MCF2L2: variants seen among roughly 807,000 people sequenced by gnomAD.
The protein encoded by MCF2L2 is MCF.2 cell line derived transforming sequence-like 2.
A neutral mutation model predicts 150.2 loss-of-function variants in MCF2L2; 102 were observed. That is an observed-to-expected ratio of 0.68 (90% confidence interval 0.58 to 0.80). MCF2L2 has a LOEUF of 0.80. MCF2L2 is among the 30% of genes least tolerant of loss of function. The pLI is 0.00. For synonymous variants in MCF2L2, 465 were observed against 491.3 expected (o/e 0.95, Z 0.71); for missense variants, 1,256 against 1,372.8 (o/e 0.91, Z 1.34).
chr3:183,315,047 C>A (rs1284626600), intron 7 of MCF2L2, among the ~76,000 whole-genome samples: 1 of 148,360 alleles, frequency 6.7e-6, no homozygotes, highest in Non-Finnish European at 1.5e-5. Flanking sequence ...AGTGATTCTC[C>A]TGCCTCAGCC....
intron 15 of MCF2L2, among the ~76,000 whole-genome samples, chr3:183,234,108 A>C (rs1039540275): frequency 1.3e-5 from 2 of 152,212 alleles, no homozygotes; most frequent in Non-Finnish European, 2.9e-5. Flanking sequence ...GTCAGAAGGA[A>C]GTACAGGCCT....
At chr3:183,413,912 T>C (rs1715450444) in intron 1 of MCF2L2, among the ~76,000 whole-genome samples, 1 of 152,148 alleles carries the variant, frequency 6.6e-6, no homozygotes, top group Non-Finnish European at 1.5e-5. Flanking sequence ...AGAGGAGGGG[T>C]TAGTCTTGCT....
At position 183,311,767 on chromosome 3, in the gene MCF2L2, C is replaced by G; in HGVS notation, c.759G>C (p.Glu253Asp). The G allele has an allele frequency of 6.2e-7, 1 of 1,613,216 alleles. No homozygotes were observed. Among genetic ancestry groups the G allele is most frequent in the Non-Finnish European group, 8.5e-7 (1 of 1,179,750 alleles). ...TCCCCTGCTTTCCAAGTAATTTCAG[C>G]TCATCCTAGAAAATAAAAGTAGTCT... ...HTRQRDKLQDELKLLGKQGTT... is the reference protein window; with the variant it reads ...HTRQRDKLQDDLKLLGKQGTT... Residue 253 changes from glutamate to aspartate, a missense_variant, in exon 8 of 30, where the codon GAG (glutamate) becomes GAC (aspartate). Glu to Asp is a conservative substitution (Grantham distance 45). Coordinates refer to ENST00000328913, the MANE Select transcript of MCF2L2 (RefSeq NM_015078.4).
At chr3:183,314,232 G>A (rs1056606816) in intron 7 of MCF2L2, among the ~76,000 whole-genome samples, 4 of 152,204 alleles carry the variant, frequency 2.6e-5, no homozygotes, top group Non-Finnish European at 5.9e-5. Flanking sequence ...CTGATTGTAA[G>A]AATACATTAA....
intron 5 of MCF2L2, among the ~76,000 whole-genome samples, chr3:183,336,014 A>G (rs1195924787): frequency 6.6e-6 from 1 of 152,176 alleles, no homozygotes; most frequent in Non-Finnish European, 1.5e-5. Context: ...TGGGTCCCTC[A>G]CCAGACACCA....
chr3:183,202,620 A>G (rs1722328316), intron 25 of MCF2L2, among the ~76,000 whole-genome samples: 1 of 152,252 alleles, frequency 6.6e-6, no homozygotes, highest in Admixed American at 6.5e-5. Flanking sequence ...TACTGCTTTC[A>G]GGTGTTTAAA....
In MCF2L2 at chr3:183,180,553, C is replaced by T. The variant is rs568481362; in HGVS notation, c.3017-394G>A. On this transcript the variant is annotated intron_variant, in intron 27 of 29. Transcript: ENST00000328913. ...CTAATTAATGTCCATTTCCCATCTC[C>T]CTGGCAGCCTCTGCCAAGTGTCACT... 3.9e-5 allele frequency among the ~76,000 whole-genome samples: 6 copies of T among 152,296 alleles called. No homozygotes were observed. The South Asian group carries it at 1.0e-3, about 26-fold the overall frequency.
At chr3:183,269,111 A>C (rs548936902) in intron 15 of MCF2L2, among the ~76,000 whole-genome samples, 82 of 151,470 alleles carry the variant, frequency 5.4e-4, no homozygotes, top group African/African-American at 1.9e-3. Context: ...TTCATTGAAG[A>C]TTTTGCCTTG....
intron 14 of MCF2L2, among the ~76,000 whole-genome samples, chr3:183,278,282 ATTG>A (rs1383219646): frequency 3.4e-5 from 5 of 147,860 alleles, no homozygotes; most frequent in African/African-American, 1.3e-4. Context: ...AAATGAAAAA[ATTG>A]TGTGTGTGTG....
In MCF2L2 at chr3:183,270,646, ATGTGTTCATGGGCCTC is replaced by A; in HGVS notation, c.1862+6210_1862+6225del. The A allele has an allele frequency of 1.2e-6, 2 of 1,614,134 alleles. No individual in the cohort carries two copies. Among genetic ancestry groups the A allele is most frequent in the South Asian group, 2.2e-5 (2 of 91,080 alleles). On this transcript the variant is annotated intron_variant, in intron 15 of 29. Coordinates refer to ENST00000328913, the MANE Select transcript of MCF2L2 (RefSeq NM_015078.4). The surrounding 1 kb of genome is among the most constrained non-coding windows in gnomAD (Gnocchi z 4.5). ...CTAAATTCAAGTCTTTACATAGACG[ATGTGTTCATGGGCCTC>A]TGTGCCAATAAAATAGGGATAGTAC...
chr3:183,218,582 C>T (rs1723031704), intron 21 of MCF2L2, among the ~76,000 whole-genome samples: 1 of 152,052 alleles, frequency 6.6e-6, no homozygotes, highest in Non-Finnish European at 1.5e-5. Flanking sequence ...TGCAGTGAGC[C>T]GAAACTGCGC....
chr3:183,231,415 G>A (rs1723554154), intron 15 of MCF2L2, among the ~76,000 whole-genome samples: 1 of 133,798 alleles, frequency 7.5e-6, no homozygotes, highest in Non-Finnish European at 1.6e-5. Flanking sequence ...TTGTATAAGT[G>A]GTTTCCTAGA....
At chr3:183,414,031 A>C (rs1021580986) in intron 1 of MCF2L2, among the ~76,000 whole-genome samples, 22 of 152,116 alleles carry the variant, frequency 1.4e-4, no homozygotes, top group Admixed American at 3.9e-4. Context: ...TTTAGCCTAT[A>C]GTTTGCTTTC....
chr3:183,409,551 C>CTT (rs11336262), intron 1 of MCF2L2, among the ~76,000 whole-genome samples: 48 of 121,732 alleles, frequency 3.9e-4, no homozygotes, highest in South Asian at 5.3e-4. Context: ...GCTAAAATTT[C>CTT]TTTTTTTTTT....
rs760473820 is a variant in MCF2L2 at position 183,179,708 on chromosome 3, C to A, written c.3106-16G>T. The A allele has an allele frequency of 6.2e-7, 1 of 1,603,704 alleles. No homozygotes were observed. Among genetic ancestry groups the A allele is most frequent in the Non-Finnish European group, 8.5e-7 (1 of 1,171,002 alleles). ...GGCCCGCGAGCTGGAAGGGAGGGGACGGGTGCACCCTCAGAGTTATTGCTG... is the reference window on the plus strand; with the variant it reads ...GGCCCGCGAGCTGGAAGGGAGGGGAAGGGTGCACCCTCAGAGTTATTGCTG... On this transcript the variant is annotated splice_polypyrimidine_tract_variant and intron_variant, in intron 28 of 29. Transcript: ENST00000328913. This position sits in a 1 kb window ranked among gnomAD's most constrained non-coding sequence, Gnocchi z 4.2.
Position 183,263,899 on chromosome 3 carries a change from C to G in MCF2L2, c.1862+12973G>C, listed in dbSNP as rs573403373. ...TAGGTCTTTGATTTTCTTGAAAGGGCCTTCTTTATGCCTTCCTTCCGTCCC... is the reference window on the plus strand; with the variant it reads ...TAGGTCTTTGATTTTCTTGAAAGGGGCTTCTTTATGCCTTCCTTCCGTCCC... On this transcript the variant is annotated intron_variant, in intron 15 of 29. Coordinates refer to ENST00000328913, the MANE Select transcript of MCF2L2 (RefSeq NM_015078.4). 2.0e-5 allele frequency among the ~76,000 whole-genome samples: 3 copies of G among 152,230 alleles called. No homozygotes were observed. The East Asian group carries it at 5.8e-4, about 29-fold the overall frequency.
intron 25 of MCF2L2, among the ~76,000 whole-genome samples, chr3:183,204,658 A>G (rs977398374): frequency 4.6e-5 from 7 of 152,170 alleles, no homozygotes; most frequent in Non-Finnish European, 1.0e-4. Flanking sequence ...ACATATATAC[A>G]CCAAAGAAAA....
intron 3 of MCF2L2, among the ~76,000 whole-genome samples, chr3:183,354,751 T>C (rs1460962252): frequency 6.6e-6 from 1 of 152,202 alleles, no homozygotes; most frequent in Admixed American, 6.5e-5. Flanking sequence ...CCCAATGACC[T>C]TGGGCACATG....
rs373754582 is a variant in MCF2L2 at position 183,296,991 on chromosome 3, G to A, written c.1482C>T (p.Leu494=). The A allele has an allele frequency of 5.0e-6, 8 of 1,613,720 alleles. No homozygotes were observed. Among genetic ancestry groups the A allele is most frequent in the Non-Finnish European group, 6.8e-6 (8 of 1,179,866 alleles). The change falls in exon 12 of 30, where the codon CTC becomes CTT. Residue 494 remains leucine, a synonymous_variant. Coordinates refer to ENST00000328913, the MANE Select transcript of MCF2L2 (RefSeq NM_015078.4). ...GAAGCATTACCTTTGCATCGAGGGT[G>A]AGCAGCAACTCAAACTCGTTGTAAA... ...KEFYNEFELL[L]TLDAKAKAQK...
Sources: gnomAD v4.1 joint callset for allele counts (sites outside exome capture counted in the v4.1 genomes callset) on GRCh38, gnomAD v4.1.1 for gene constraint, Gnocchi (gnomAD v3.1) non-coding constraint, MANE v1.5 for transcripts, NCBI Gene and HGNC (gene_info 2026-07-23, HGNC 2026-07-21) for gene names.